PALS2: variants seen among roughly 807,000 people sequenced by gnomAD.
PALS2 encodes protein PALS2.
In PALS2, 27 loss-of-function variants were observed where a neutral mutation model predicts 61.6. The ratio of observed to expected loss-of-function variants is 0.44; its 90% CI spans 0.32 to 0.60. The LOEUF (loss-of-function observed/expected upper bound fraction) is 0.60, where lower values mean the gene tolerates loss of function less well. Ranked by LOEUF, PALS2 falls within the 20% of genes least tolerant of loss-of-function variation. The pLI, the probability that PALS2 is intolerant of heterozygous loss-of-function variation, is 0.05. For missense variants in PALS2, 554 were observed against 639.4 expected, an observed-to-expected ratio of 0.87 and a Z score of 1.44; for synonymous variants, 236 against 218.6, an observed-to-expected ratio of 1.08 and a Z score of -0.70.
At chr7:24,633,262 A>G (rs1195270732) in intron 2 of PALS2, among the ~76,000 whole-genome samples, 2 of 151,558 alleles carry the variant, frequency 1.3e-5, no homozygotes, top group Admixed American at 6.6e-5. Flanking sequence ...AGTAGTAACA[A>G]ATATTCTCAA....
At chr7:24,662,246 T>C (rs547285382) in intron 5 of PALS2, among the ~76,000 whole-genome samples, 231 of 152,350 alleles carry the variant, frequency 1.5e-3, no homozygotes, top group Non-Finnish European at 2.9e-3. Flanking sequence ...AATTATTTTG[T>C]ATGCATCGAT....
intron 5 of PALS2, among the ~76,000 whole-genome samples, chr7:24,662,768 G>GAAAAAAAAAAAAAAAAAAAAAAAAAA: frequency 9.7e-6 from 1 of 102,614 alleles, no homozygotes; most frequent in Non-Finnish European, 2.3e-5. Context: ...GACTCCATCT[G>GAAAAAAAAAAAAAAAAAAAAAAAAAA]AAAAAAAAAA....
At position 24,647,618 on chromosome 7, in the gene PALS2, A is replaced by G. The variant is rs755824031; in HGVS notation, c.271-1994A>G. Among the ~76,000 whole-genome samples, 5 of 152,198 alleles carry G rather than the reference A, an allele frequency of 3.3e-5. No individual in the cohort carries two copies. The East Asian group carries it at 5.8e-4, about 18-fold the overall frequency. ...CTACATTATTAGCTAGTATTCTTCC[A>G]TAATGTAGAGCTTCTCATCAACTGG... On this transcript the variant is annotated intron_variant, in intron 3 of 11. Coordinates refer to ENST00000222644, the MANE Select transcript of PALS2 (RefSeq NM_001303037.2).
chr7:24,583,502 G>A (rs534455603), intron 1 of PALS2, among the ~76,000 whole-genome samples: 3 of 151,908 alleles, frequency 2.0e-5, no homozygotes, highest in Non-Finnish European at 4.4e-5. Context: ...TATACAATTA[G>A]TTTCCATTCA....
intron 1 of PALS2, among the ~76,000 whole-genome samples, chr7:24,620,714 A>G (rs1393378690): frequency 2.0e-5 from 3 of 152,156 alleles, no homozygotes; most frequent in Admixed American, 1.3e-4. Flanking sequence ...TTTGCTAGGT[A>G]TTGCTAATTT....
intron 3 of PALS2, among the ~76,000 whole-genome samples, chr7:24,643,152 G>A (rs116396918): frequency 0.012 from 1,767 of 152,222 alleles, 43 homozygotes; most frequent in African/African-American, 0.04. Context: ...ATGAGGTAAG[G>A]AACACTAGAA....
chr7:24,608,123 G>A (rs539106234), intron 1 of PALS2, among the ~76,000 whole-genome samples: 3 of 151,920 alleles, frequency 2.0e-5, no homozygotes, highest in African/African-American at 7.2e-5. Context: ...ATATGTAAAG[G>A]TTTTTTTACT....
chr7:24,655,539 T>G (rs976673872), intron 5 of PALS2, among the ~76,000 whole-genome samples: 1 of 152,050 alleles, frequency 6.6e-6, no homozygotes, highest in African/African-American at 2.4e-5. Context: ...TAAAACTAAT[T>G]GAATCGACAA....
chr7:24,660,091 G>A (rs1013249545), intron 5 of PALS2, among the ~76,000 whole-genome samples: 3 of 152,038 alleles, frequency 2.0e-5, no homozygotes, highest in Admixed American at 1.3e-4. Context: ...GCCTGATCTC[G>A]GACATCTTGA....
intron 2 of PALS2, among the ~76,000 whole-genome samples, chr7:24,629,439 A>G (rs989023423): frequency 2.6e-5 from 4 of 152,264 alleles, no homozygotes; most frequent in Non-Finnish European, 4.4e-5. Flanking sequence ...CACAGACTTC[A>G]TGATTAAAAC....
chr7:24,669,460 A>C (rs758048222), intron 9 of PALS2, among the ~76,000 whole-genome samples: 2 of 152,208 alleles, frequency 1.3e-5, no homozygotes, highest in Non-Finnish European at 2.9e-5. Context: ...TTTACTTGTG[A>C]ACTTAGATGT....
rs1358450067 is a variant in PALS2, at chr7:24,693,887, T to A, written c.*6273T>A. The A allele has an allele frequency of 6.6e-6, 1 of 152,188 alleles. No individual in the cohort carries two copies. The highest frequency in any genetic ancestry group is 6.6e-5 in the Admixed American group (1 of 15,262). The allele number at this position is 152,188 out of a possible 1,614,324, so 9.4% of individuals were successfully genotyped here. A position where few individuals can be genotyped will look rare whatever the true frequency, so the allele number is the denominator to read the frequency against. On this transcript the variant is annotated 3_prime_UTR_variant, in exon 12 of 12. Coordinates refer to ENST00000222644, the MANE Select transcript of PALS2 (RefSeq NM_001303037.2). ...GTGAAAACCTTGCTGTGGGAATTTT[T>A]TATTCTTCCTTTTCCCCCCACGCCA...
intron 1 of PALS2, among the ~76,000 whole-genome samples, chr7:24,614,628 A>G (rs1562615217): frequency 6.6e-6 from 1 of 151,978 alleles, no homozygotes; most frequent in East Asian, 1.9e-4. Context: ...AGACCCTGAT[A>G]CAATAATAGT....
At chr7:24,678,692 C>T (rs1039030042) in intron 9 of PALS2, among the ~76,000 whole-genome samples, 10 of 152,166 alleles carry the variant, frequency 6.6e-5, no homozygotes, top group Middle Eastern at 3.2e-3. Flanking sequence ...GCCTCAAACA[C>T]TTACCATAAT....
chr7:24,580,151 T>A (rs940841695), intron 1 of PALS2, among the ~76,000 whole-genome samples: 3 of 152,200 alleles, frequency 2.0e-5, no homozygotes, highest in African/African-American at 7.2e-5. Flanking sequence ...AATACTAAGC[T>A]GATTTACTTA....
chr7:24,637,036 T>C, intron 2 of PALS2, among the ~76,000 whole-genome samples: 1 of 152,180 alleles, frequency 6.6e-6, no homozygotes, highest in East Asian at 1.9e-4. Flanking sequence ...TGAATACTAT[T>C]AAAGCCAAGC....
chr7:24,580,458 G>A (rs571018054), intron 1 of PALS2, among the ~76,000 whole-genome samples: 1 of 152,286 alleles, frequency 6.6e-6, no homozygotes, highest in South Asian at 2.1e-4. Context: ...TAACTCTAAT[G>A]CTGGAACTTG....
chr7:24,629,471 A>G (rs1480735701), intron 2 of PALS2, among the ~76,000 whole-genome samples: 1 of 152,240 alleles, frequency 6.6e-6, no homozygotes, highest in Non-Finnish European at 1.5e-5. Context: ...TTGCAACAAA[A>G]GCCAAAATTG....
In PALS2 at chr7:24,692,774, C is replaced by T. The variant is rs1562676368; in HGVS notation, c.*5160C>T. On this transcript the variant is annotated 3_prime_UTR_variant, in exon 12 of 12. Coordinates refer to ENST00000222644, the MANE Select transcript of PALS2 (RefSeq NM_001303037.2). ...CAGTACTCGGTTACACCAGAAGACT[C>T]TGATCTTTGCCCCCGAAAACTGTCC... is the stretch of plus-strand genomic sequence containing the variant. 6.6e-6 allele frequency: 1 copy of T among 152,180 alleles called. No homozygotes were observed. The highest frequency in any genetic ancestry group is 2.4e-5 in the African/African-American group (1 of 41,460). The allele number at this position is 152,180 out of a possible 1,614,324, so 9.4% of individuals were successfully genotyped here. A position where few individuals can be genotyped will look rare whatever the true frequency, so the allele number is the denominator to read the frequency against.
Sources: gnomAD v4.1 joint callset for allele counts (sites outside exome capture counted in the v4.1 genomes callset) on GRCh38, gnomAD v4.1.1 for gene constraint, MANE v1.5 for transcripts, NCBI Gene and HGNC (gene_info 2026-07-23, HGNC 2026-07-21) for gene names.